The following CYTH1 variants were observed in gnomAD, a reference collection of about 807,000 sequenced individuals.
The protein encoded by CYTH1 is cytohesin 1, also known as cytohesin-1.
CYTH1 carries 18 observed loss-of-function variants against 61.8 expected under a neutral mutation model. The ratio of observed to expected loss-of-function variants is 0.29; its 90% confidence interval spans 0.20 to 0.43. The LOEUF (loss-of-function observed/expected upper bound fraction) is 0.43, where lower values mean the gene tolerates loss of function less well. CYTH1 is among the 20% of genes least tolerant of loss of function. The pLI is 1.00. For synonymous variants in CYTH1, 174 were observed against 184.3 expected (o/e 0.94, Z 0.45); for missense variants, 336 against 510.5 (o/e 0.66, Z 3.29).
At chr17:78,755,867 T>C (rs1044485289) in intron 1 of CYTH1, among the ~76,000 whole-genome samples, 1 of 149,930 alleles carries the variant, frequency 6.7e-6, no homozygotes, top group African/African-American at 2.5e-5. Flanking sequence ...GCTGTGTTCA[T>C]GCCACCACAC....
intron 1 of CYTH1, among the ~76,000 whole-genome samples, chr17:78,753,148 C>T (rs1245089718): frequency 1.3e-5 from 2 of 152,164 alleles, no homozygotes; most frequent in East Asian, 3.9e-4. Context: ...GCCACCCCAG[C>T]ACAGCTAACA....
chr17:78,725,937 CAG>C (rs2144567293), intron 1 of CYTH1, among the ~76,000 whole-genome samples: 1 of 152,190 alleles, frequency 6.6e-6, no homozygotes, highest in East Asian at 1.9e-4. Flanking sequence ...CCACATCCAT[CAG>C]AGAGAATCAC....
chr17:78,763,653 GTT>G (rs577571464), intron 1 of CYTH1, among the ~76,000 whole-genome samples: 148 of 152,228 alleles, frequency 9.7e-4, no homozygotes, highest in African/African-American at 3.4e-3. Context: ...TGTAATAAGA[GTT>G]ACGTGAATGT....
At chr17:78,679,650 G>C (rs1215347154) in intron 13 of CYTH1, among the ~76,000 whole-genome samples, 1 of 152,222 alleles carries the variant, frequency 6.6e-6, no homozygotes, top group African/African-American at 2.4e-5. Flanking sequence ...CGAGAGGTAG[G>C]AGTCAGAGGC....
intron 11 of CYTH1, chr17:78,691,812 G>T (rs548063488): frequency 6.6e-6 from 1 of 152,084 alleles, no homozygotes; most frequent in South Asian, 2.1e-4. Context: ...ACTTTCTTTG[G>T]CTATTATTAC....
chr17:78,778,048 A>G (rs1468283920), intron 1 of CYTH1, among the ~76,000 whole-genome samples: 1 of 152,078 alleles, frequency 6.6e-6, no homozygotes, highest in Non-Finnish European at 1.5e-5. Flanking sequence ...CAGGCCTGTA[A>G]TCCTAGCACT....
intron 1 of CYTH1, among the ~76,000 whole-genome samples, chr17:78,764,457 G>A (rs902782421): frequency 6.6e-6 from 1 of 151,854 alleles, no homozygotes; most frequent in Non-Finnish European, 1.5e-5. Context: ...CACCGCGCCC[G>A]GCCTAAATGT....
chr17:78,735,139 T>C (rs912959345), intron 1 of CYTH1, among the ~76,000 whole-genome samples: 1 of 152,212 alleles, frequency 6.6e-6, no homozygotes, highest in Non-Finnish European at 1.5e-5. Flanking sequence ...TTAAGGTTAC[T>C]TGGTCAAAGC....
intron 1 of CYTH1, chr17:78,727,903 C>T: frequency 2.9e-6 from 1 of 341,254 alleles, no homozygotes; most frequent in Non-Finnish European, 5.9e-6. Context: ...GAAGGCAGGC[C>T]AAGCTCTGCA....
At chr17:78,685,848 C>T (rs2144088491) in intron 11 of CYTH1, among the ~76,000 whole-genome samples, 1 of 152,296 alleles carries the variant, frequency 6.6e-6, no homozygotes, top group East Asian at 1.9e-4. Context: ...TTCTTCTCTT[C>T]AAAACTGTGC....
At chr17:78,677,626 C>CGTT (rs1400090500) in intron 13 of CYTH1, 1 of 152,924 alleles carries the variant, frequency 6.5e-6, no homozygotes, top group African/African-American at 2.4e-5. Flanking sequence ...TTAGAGAACA[C>CGTT]ACCTGATTCT....
chr17:78,712,104 G>A lies in CYTH1; in HGVS notation c.23-2372C>T, dbSNP rs980467793. 2.3e-5 allele frequency among the ~76,000 whole-genome samples: 3 copies of A among 128,584 alleles called. No homozygotes were observed. The East Asian group carries it at 9.9e-4, about 42-fold the overall frequency. 84.4% of individuals were successfully genotyped at this position (128,584 alleles called of 152,430 possible). On this transcript the variant is annotated intron_variant, in intron 1 of 13. Coordinates refer to ENST00000446868, the MANE Select transcript of CYTH1 (RefSeq NM_004762.6). Reference sequence around the variant, plus strand: ...AAGAAGGAAAGAAGGAAAGAAGGAAGGAAGGAAGGGAGGAAGGAAGGGAGG... The same window carrying A: ...AAGAAGGAAAGAAGGAAAGAAGGAAAGAAGGAAGGGAGGAAGGAAGGGAGG...
At chr17:78,756,699 G>A (rs2093402633) in intron 1 of CYTH1, among the ~76,000 whole-genome samples, 1 of 152,064 alleles carries the variant, frequency 6.6e-6, no homozygotes, top group East Asian at 1.9e-4. Flanking sequence ...ACATTTTGGG[G>A]ACACAGATGT....
chr17:78,760,378 TATATATACACAC>T (rs1567878968), intron 1 of CYTH1, among the ~76,000 whole-genome samples: 57 of 61,388 alleles, frequency 9.3e-4, no homozygotes, highest in African/African-American at 3.7e-3. Context: ...TATATATATA[TATATATACACAC>T]ACATACATAT....
intron 11 of CYTH1, among the ~76,000 whole-genome samples, chr17:78,686,912 G>C (rs1322932597): frequency 2.0e-5 from 3 of 152,022 alleles, no homozygotes; most frequent in African/African-American, 7.2e-5. Flanking sequence ...CTCCCTGGTA[G>C]CTGGGATTAC....
At chr17:78,747,548 AG>A (rs2093364364) in intron 1 of CYTH1, among the ~76,000 whole-genome samples, 1 of 152,188 alleles carries the variant, frequency 6.6e-6, no homozygotes. Context: ...CATCCCCAAA[AG>A]AAAACCCCAT....
chr17:78,681,671 A>G (rs1232531034), intron 11 of CYTH1, among the ~76,000 whole-genome samples: 2 of 152,100 alleles, frequency 1.3e-5, no homozygotes, highest in African/African-American at 4.8e-5. Context: ...GCCTGACGGC[A>G]GTTTCACAGT....
chr17:78,770,355 G>GAAAA (rs35531159), intron 1 of CYTH1, among the ~76,000 whole-genome samples: 1 of 128,334 alleles, frequency 7.8e-6, no homozygotes, highest in Non-Finnish European at 1.6e-5. Context: ...GAAAAGAAAA[G>GAAAA]AAAAAAAAAA....
intron 1 of CYTH1, among the ~76,000 whole-genome samples, chr17:78,768,367 G>A (rs887409522): frequency 1.3e-5 from 2 of 152,096 alleles, no homozygotes; most frequent in Non-Finnish European, 2.9e-5. Flanking sequence ...CCACTCCTGC[G>A]TTGATCATCT....
Sources: allele counts gnomAD v4.1 joint callset (sites outside exome capture counted in the v4.1 genomes callset), GRCh38; gene constraint gnomAD v4.1.1; transcripts MANE v1.5; gene names NCBI Gene and HGNC (gene_info 2026-07-23, HGNC 2026-07-21).